DHX29: variants seen among roughly 807,000 people sequenced by gnomAD.
DHX29 encodes ATP-dependent RNA helicase DHX29.
Under a neutral mutation model 167.9 loss-of-function variants are expected in DHX29, and 79 were observed. The observed-to-expected ratio is 0.47, with a 90% CI of 0.39 to 0.57. The LOEUF is 0.57. Among genes scored for constraint, DHX29 ranks in the 20% least tolerant of loss-of-function variants. The pLI, the probability that DHX29 is intolerant of heterozygous loss-of-function variation, is 0.00. For synonymous variants in DHX29, 530 were observed against 546.0 expected, an observed-to-expected ratio of 0.97 and a Z score of 0.41; for missense variants, 1,347 against 1,593.4, an observed-to-expected ratio of 0.85 and a Z score of 2.63.
chr5:55,261,390 A>G lies in DHX29; in HGVS notation c.3938T>C (p.Ile1313Thr), dbSNP rs923841778. The G allele has an allele frequency of 1.3e-6, 2 of 1,585,346 alleles. No individual in the cohort carries two copies. The highest frequency in any genetic ancestry group is 3.3e-4 in the Middle Eastern group (2 of 5,980). ...EVQHRERLLSIDGWIYFQAPV... is the reference protein window; with the variant it reads ...EVQHRERLLSTDGWIYFQAPV... The stretch of plus-strand genomic sequence containing the variant: ...TACCTGAAAATAGATCCAGCCATCA[A>G]TAGAAAGAAGACGTTCTCGGTGCTG... Residue 1313 changes from isoleucine to threonine, a missense_variant, in exon 25 of 27, where the codon ATT (isoleucine) becomes ACT (threonine). This residue lies in a region of DHX29 where 882 missense variants were observed against 1,082.4 expected (regional missense o/e 0.81). Coordinates refer to ENST00000251636, the MANE Select transcript of DHX29 (RefSeq NM_019030.4).
intron 20 of DHX29, among the ~76,000 whole-genome samples, chr5:55,270,063 G>A (rs900344760): frequency 1.1e-4 from 17 of 151,954 alleles, no homozygotes; most frequent in Admixed American, 4.6e-4. Context: ...CAGATGTTTA[G>A]GAGTATCCCA....
chr5:55,298,106 T>C (rs1042521298), intron 2 of DHX29, among the ~76,000 whole-genome samples: 8 of 151,526 alleles, frequency 5.3e-5, no homozygotes, highest in Non-Finnish European at 1.2e-4. Context: ...TATCAAGTAA[T>C]AGTAGAACCA....
At chr5:55,285,126 T>C (rs750276826) in intron 10 of DHX29, among the ~76,000 whole-genome samples, 167 bp downstream of exon 10, 3 of 152,222 alleles carry the variant, frequency 2.0e-5, no homozygotes, top group Non-Finnish European at 4.4e-5. Context: ...TTCAGACTTC[T>C]GGCCTAAGAG....
chr5:55,275,067 CAAAG>C, intron 14 of DHX29, 57 bp from the exon 15 acceptor site: 3 of 1,572,714 alleles, frequency 1.9e-6, no homozygotes, highest in East Asian at 2.3e-5. Context: ...TTTTGTAAGA[CAAAG>C]AAGGAAAAAA....
chr5:55,279,459 T>C (rs886290551), intron 12 of DHX29: 3 of 152,162 alleles, frequency 2.0e-5, no homozygotes, highest in African/African-American at 7.2e-5. Context: ...ATGGATGGCA[T>C]AGATCTGGAA....
At position 55,276,263 on chromosome 5, in the gene DHX29, T is replaced by C; in HGVS notation, c.2427+3A>G. ...GATATCTTTCAAAATATTTTCTTTTTACCTGATATTTTTTTATTCCCCCTG... is the reference window on the plus strand; with the variant it reads ...GATATCTTTCAAAATATTTTCTTTTCACCTGATATTTTTTTATTCCCCCTG... On this transcript the variant is annotated splice_donor_region_variant and intron_variant, in intron 14 of 26. Coordinates refer to ENST00000251636, the MANE Select transcript of DHX29 (RefSeq NM_019030.4). 1.3e-6 allele frequency: 2 copies of C among 1,569,230 alleles called. No homozygotes were observed. Among genetic ancestry groups the C allele is most frequent in the Non-Finnish European group, 1.7e-6 (2 of 1,166,082 alleles).
In DHX29 at chr5:55,256,553, A is replaced by G. The variant is rs1411842698; in HGVS notation, c.4058-13T>C. 1 of 1,377,604 alleles carries G rather than the reference A, an allele frequency of 7.3e-7. No homozygotes were observed. Among genetic ancestry groups the G allele is most frequent in the Admixed American group, 2.4e-5 (1 of 42,334 alleles). The allele number at this position is 1,377,604 out of a possible 1,614,324, so 85.3% of individuals were successfully genotyped here. On this transcript the variant is annotated splice_polypyrimidine_tract_variant and intron_variant, in intron 26 of 26. Transcript: ENST00000251636. ...AGAATCTTGTCATCTGAGTGGAAGG[A>G]AAAAAAAAAGCCACGAATAAATGCA...
rs1163191646 is a variant in DHX29 at position 55,298,600 on chromosome 5, A to G, written c.252T>C (p.Ser84=). The change falls in exon 2 of 27, where the codon TCT becomes TCC. Residue 84 remains serine (S), a synonymous_variant. Transcript: ENST00000251636. Reference sequence around the variant, plus strand: ...AACCTTTGTTACTTACTTTCAAAATAGATTTATCCAGATTTGCAGGACCAC... The same window carrying G: ...AACCTTTGTTACTTACTTTCAAAATGGATTTATCCAGATTTGCAGGACCAC... The part of the protein sequence containing the change: ...DSSGPANLDK[S]ILKVVINNKL... The G allele has an allele frequency of 6.5e-7, 1 of 1,538,194 alleles. No individual in the cohort carries two copies. The highest frequency in any genetic ancestry group is 9.0e-7 in the Non-Finnish European group (1 of 1,114,128).
chr5:55,290,235 A>G lies in DHX29; in HGVS notation c.890T>C (p.Ile297Thr). 6.2e-7 allele frequency: 1 copy of G among 1,608,752 alleles called. No homozygotes were observed. Among genetic ancestry groups the G allele is most frequent in the Non-Finnish European group, 8.5e-7 (1 of 1,179,116 alleles). Residue 297 changes from isoleucine to threonine, a missense_variant, in exon 7 of 27, where the codon ATA becomes ACA. Physicochemically the swap from Ile to Thr is moderately conservative, Grantham distance 89. Around this residue, in one of 3 missense-constraint regions of DHX29, gnomAD observed 405 missense variants for 416.8 expected, o/e 0.97. Transcript: ENST00000251636. ...GTGTTTACCTCTTTGAAATTTCCTT[A>G]TTTTTTCCTGAGCCTCTTTTTGGCC... Reference protein sequence around the residue: ...KQGQKEAQEKIRKFQREMETL... With the variant: ...KQGQKEAQEKTRKFQREMETL...
chr5:55,284,871 T>G (rs1351306122), intron 10 of DHX29, among the ~76,000 whole-genome samples: 1 of 152,164 alleles, frequency 6.6e-6, no homozygotes, highest in African/African-American at 2.4e-5. Context: ...TCTATACAAC[T>G]TTTTTAAAAA....
Position 55,256,071 on chromosome 5 carries a change from T to TTTAA in DHX29, c.*413_*416dup, listed in dbSNP as rs1746037364. 6.6e-6 allele frequency among the ~76,000 whole-genome samples: 1 copy of TTTAA among 152,208 alleles called. No homozygotes were observed. The highest frequency in any genetic ancestry group is 2.4e-5 in the African/African-American group (1 of 41,448). ...CTGAAGTTGTTCCTTTTCATGGAAA[T>TTTAA]TTAATTATAATTGGTTTTGGAGATT... On this transcript the variant is annotated 3_prime_UTR_variant, in exon 27 of 27. Coordinates refer to ENST00000251636, the MANE Select transcript of DHX29 (RefSeq NM_019030.4).
At chr5:55,305,624 T>C (rs17281809) in intron 1 of DHX29, among the ~76,000 whole-genome samples, 27,847 of 152,088 alleles carry the variant, frequency 0.18, 2,657 homozygotes, top group Admixed American at 0.19. Context: ...TGGAGCCCTA[T>C]TAAAAGACTT....
In DHX29 at chr5:55,285,854, CTT is replaced by C; in HGVS notation, c.1072_1073del (p.Lys358GlufsTer5). 1 of 1,553,730 alleles carries C rather than the reference CTT, an allele frequency of 6.4e-7. No homozygotes were observed. The highest frequency in any genetic ancestry group is 8.7e-7 in the Non-Finnish European group (1 of 1,144,646). On this transcript the variant is annotated frameshift_variant, in exon 9 of 27. Coordinates refer to ENST00000251636, the MANE Select transcript of DHX29 (RefSeq NM_019030.4). LOFTEE classifies it high-confidence loss of function. ...AATTTCTTACATCATGAGGTTCTTT[CTT>C]TTTATCTAAAATGGTAAACAAAGAT... ...AAATEEEKDK[K>X]KEPHDVRNFD...
At chr5:55,298,984 T>C (rs956936031) in intron 1 of DHX29, among the ~76,000 whole-genome samples, 2 of 143,360 alleles carry the variant, frequency 1.4e-5, no homozygotes, top group East Asian at 4.1e-4. Flanking sequence ...GAGCCGAGAT[T>C]GCGCCACTGC....
chr5:55,288,009 A>G (rs1747831869), intron 8 of DHX29, among the ~76,000 whole-genome samples: 1 of 151,924 alleles, frequency 6.6e-6, no homozygotes, highest in African/African-American at 2.4e-5. Context: ...CCCAGAGGCC[A>G]AGGTGGGCAG....
At chr5:55,304,410 C>A (rs1378761604) in intron 1 of DHX29, among the ~76,000 whole-genome samples, 4 of 149,392 alleles carry the variant, frequency 2.7e-5, no homozygotes, top group African/African-American at 9.9e-5. Context: ...CTCCCGGGTT[C>A]ACGCCATTCT....
chr5:55,260,405 G>T (rs1223328120), intron 25 of DHX29, among the ~76,000 whole-genome samples: 2 of 152,022 alleles, frequency 1.3e-5, no homozygotes, highest in Non-Finnish European at 1.5e-5. Flanking sequence ...CTAATTTTTT[G>T]TATTTTCAGT....
intron 8 of DHX29, among the ~76,000 whole-genome samples, chr5:55,286,172 T>C (rs1385128270): frequency 1.3e-5 from 2 of 150,688 alleles, no homozygotes; most frequent in Non-Finnish European, 2.9e-5. Context: ...GAGAATGACG[T>C]GAACCTGGGT....
chr5:55,282,490 T>C (rs1477706019), intron 11 of DHX29, among the ~76,000 whole-genome samples: 2 of 152,196 alleles, frequency 1.3e-5, no homozygotes, highest in Non-Finnish European at 2.9e-5. Context: ...GACAATTTGC[T>C]AAATAGAAAA....
Sources: gnomAD v4.1 joint callset for allele counts (sites outside exome capture counted in the v4.1 genomes callset) on GRCh38, gnomAD v4.1.1 for gene constraint, gnomAD v4.1.1 regional missense constraint, MANE v1.5 for transcripts, NCBI Gene and HGNC (gene_info 2026-07-23, HGNC 2026-07-21) for gene names.